CCDC126: variants seen among roughly 807,000 people sequenced by gnomAD.
CCDC126 encodes coiled-coil domain containing 126.
A neutral mutation model predicts 11.7 loss-of-function variants in CCDC126; 5 were observed. That is an observed-to-expected ratio of 0.43 (90% confidence interval 0.22 to 0.90). The LOEUF (loss-of-function observed/expected upper bound fraction) is 0.90, where lower values mean the gene tolerates loss of function less well. Ranked by LOEUF, CCDC126 falls within the 40% of genes least tolerant of loss-of-function variation. CCDC126 has a pLI of 0.27. For missense variants in CCDC126, 150 were observed against 163.1 expected (o/e 0.92, Z 0.44); for synonymous variants, 60 against 61.9 (o/e 0.97, Z 0.14).
chr7:23,615,402 T>C (rs1782780612), intron 3 of CCDC126, among the ~76,000 whole-genome samples: 1 of 152,262 alleles, frequency 6.6e-6, no homozygotes, highest in Admixed American at 6.5e-5. Context: ...TGATGTTTTA[T>C]CCAGACCACT....
At chr7:23,611,876 G>T (rs1425787206) in intron 3 of CCDC126, among the ~76,000 whole-genome samples, 1 of 152,206 alleles carries the variant, frequency 6.6e-6, no homozygotes, top group African/African-American at 2.4e-5. Context: ...GGGCGTGATG[G>T]CTCACGCCTG....
chr7:23,627,654 A>G (rs1045666527), intron 3 of CCDC126, among the ~76,000 whole-genome samples: 2 of 152,044 alleles, frequency 1.3e-5, no homozygotes, highest in South Asian at 2.1e-4. Flanking sequence ...GCTGGAGTAC[A>G]GTGGCACGAT....
At chr7:23,601,644 A>G (rs745780888) in intron 2 of CCDC126, among the ~76,000 whole-genome samples, 5 of 151,980 alleles carry the variant, frequency 3.3e-5, no homozygotes, top group Non-Finnish European at 7.4e-5. Context: ...TTTGTGCTTC[A>G]TTTTCCTTAT....
At chr7:23,625,237 G>T (rs1483820757) in intron 3 of CCDC126, among the ~76,000 whole-genome samples, 1 of 152,058 alleles carries the variant, frequency 6.6e-6, no homozygotes, top group Non-Finnish European at 1.5e-5. Flanking sequence ...TAGTGCTGTG[G>T]TGTATTTGTG....
chr7:23,641,495 A>G (rs1783355283), intron 3 of CCDC126, among the ~76,000 whole-genome samples: 1 of 152,158 alleles, frequency 6.6e-6, no homozygotes. Context: ...TATGCACAAA[A>G]GTTTTAAATA....
At chr7:23,625,251 A>G (rs1300412897) in intron 3 of CCDC126, among the ~76,000 whole-genome samples, 1 of 152,204 alleles carries the variant, frequency 6.6e-6, no homozygotes, top group Admixed American at 6.5e-5. Flanking sequence ...ATTTGTGTGT[A>G]TGAAATATAT....
chr7:23,639,078 TC>T (rs776674935), intron 3 of CCDC126, among the ~76,000 whole-genome samples: 12 of 151,952 alleles, frequency 7.9e-5, no homozygotes, highest in Non-Finnish European at 1.5e-4. Context: ...ATGTCCCCTC[TC>T]CCAATGTTTT....
chr7:23,602,776 TC>T (rs1426174630), intron 2 of CCDC126, among the ~76,000 whole-genome samples: 4 of 152,172 alleles, frequency 2.6e-5, no homozygotes, highest in Admixed American at 2.0e-4. Context: ...AGGCAGATGT[TC>T]CAAGACACAT....
rs190764821 is a variant in CCDC126 at position 23,626,312 on chromosome 7, A to G, written c.238+14759A>G. 5.9e-5 allele frequency among the ~76,000 whole-genome samples: 9 copies of G among 152,266 alleles called. No individual in the cohort carries two copies. The East Asian group carries it at 1.7e-3, about 29-fold the overall frequency. ...ATTTGAAATAGGAGTACAAATTATAATAAGATTAGAATTCTACAATAACTT... is the reference window on the plus strand; with the variant it reads ...ATTTGAAATAGGAGTACAAATTATAGTAAGATTAGAATTCTACAATAACTT... On this transcript the variant is annotated intron_variant, in intron 3 of 3. Coordinates refer to ENST00000307471, the MANE Select transcript of CCDC126 (RefSeq NM_138771.4).
Position 23,597,996 on chromosome 7 carries a change from G to C in CCDC126, c.-201G>C, listed in dbSNP as rs1782458492. 1 of 152,270 alleles carries C rather than the reference G, an allele frequency of 6.6e-6. No homozygotes were observed. Among genetic ancestry groups the C allele is most frequent in the Non-Finnish European group, 1.5e-5 (1 of 68,078 alleles). 9.4% of individuals were successfully genotyped at this position (152,270 alleles called of 1,614,324 possible). On this transcript the variant is annotated 5_prime_UTR_variant, in exon 2 of 4. Transcript: ENST00000307471. ...GTTCTCTTCTACTTTGGGAGAGAGA[G>C]AAAGTCAGATGCCCCTTTTAAACTC...
intron 2 of CCDC126, among the ~76,000 whole-genome samples, chr7:23,607,086 C>T (rs1047086044): frequency 2.0e-5 from 3 of 152,024 alleles, no homozygotes; most frequent in Non-Finnish European, 2.9e-5. Context: ...GGCAACAGAG[C>T]GAGACCCTGT....
chr7:23,626,890 G>T (rs1349937245), intron 3 of CCDC126, among the ~76,000 whole-genome samples: 1 of 152,172 alleles, frequency 6.6e-6, no homozygotes, highest in Admixed American at 6.5e-5. Flanking sequence ...CAGTTAATGT[G>T]TGCTTTCTCT....
intron 3 of CCDC126, among the ~76,000 whole-genome samples, chr7:23,631,055 A>AG (rs1240366125): frequency 1.3e-5 from 2 of 152,126 alleles, no homozygotes; most frequent in East Asian, 3.9e-4. Flanking sequence ...ATCAGAAAAG[A>AG]GGAAAAGTCT....
chr7:23,638,106 C>T (rs991966836), intron 3 of CCDC126, among the ~76,000 whole-genome samples: 2 of 140,404 alleles, frequency 1.4e-5, no homozygotes, highest in African/African-American at 2.6e-5. Flanking sequence ...GGGTCAGCCC[C>T]CCGCCCGGCC....
intron 3 of CCDC126, among the ~76,000 whole-genome samples, chr7:23,620,153 C>T (rs1220608463): frequency 6.6e-6 from 1 of 152,202 alleles, no homozygotes; most frequent in Non-Finnish European, 1.5e-5. Context: ...TGAGGAATCG[C>T]CACACTGCCT....
chr7:23,640,390 G>A (rs758495683), intron 3 of CCDC126, among the ~76,000 whole-genome samples: 22 of 151,772 alleles, frequency 1.4e-4, no homozygotes, highest in African/African-American at 5.3e-4. Flanking sequence ...CCAGCTACTC[G>A]GGAGACTGAC....
intron 3 of CCDC126, among the ~76,000 whole-genome samples, chr7:23,628,791 G>A (rs546983244): frequency 7.9e-5 from 12 of 152,310 alleles, no homozygotes; most frequent in Admixed American, 7.2e-4. Flanking sequence ...AGCCTGTGGA[G>A]AGTCAGGACA....
chr7:23,618,538 A>ATGTTTTTTTTTTTTTTTTTTTTTT (rs1562493420), intron 3 of CCDC126, among the ~76,000 whole-genome samples: 1 of 119,620 alleles, frequency 8.4e-6, no homozygotes. Context: ...GATCAGCTAA[A>ATGTTTTTTTTTTTTTTTTTTTTTT]TTTTTTTTTT....
chr7:23,619,456 G>A (rs188556086), intron 3 of CCDC126: 33 of 404,310 alleles, frequency 8.2e-5, no homozygotes, highest in African/African-American at 6.0e-4. Flanking sequence ...GGATCCCAGC[G>A]CATTAAAGGA....
Sources: allele counts gnomAD v4.1 joint callset (sites outside exome capture counted in the v4.1 genomes callset), GRCh38; gene constraint gnomAD v4.1.1; transcripts MANE v1.5; gene names NCBI Gene and HGNC (gene_info 2026-07-23, HGNC 2026-07-21).